Variants in STK24 observed in about 807,000 individuals in gnomAD.
STK24 encodes serine/threonine kinase 24.
In STK24, 21 loss-of-function variants were observed where a neutral mutation model predicts 55.6. The ratio of observed to expected loss-of-function variants is 0.38; its 90% CI spans 0.27 to 0.54. The LOEUF (loss-of-function observed/expected upper bound fraction) is 0.54, where lower values mean the gene tolerates loss of function less well. Among genes scored for constraint, STK24 ranks in the 20% least tolerant of loss-of-function variants. The pLI is 0.79. For synonymous variants in STK24, 200 were observed against 215.2 expected, an observed-to-expected ratio of 0.93 and a Z score of 0.62; for missense variants, 383 against 538.4, an observed-to-expected ratio of 0.71 and a Z score of 2.86.
chr13:98,503,024 GTTTTTT>G (rs398038978), intron 2 of STK24, among the ~76,000 whole-genome samples: 3 of 107,084 alleles, frequency 2.8e-5, no homozygotes, highest in African/African-American at 4.0e-5. Flanking sequence ...CTTTCCATGT[GTTTTTT>G]TTTTTTTTTT....
intron 3 of STK24, among the ~76,000 whole-genome samples, chr13:98,475,912 C>G (rs1235961860): frequency 1.3e-5 from 2 of 152,214 alleles, no homozygotes; most frequent in Non-Finnish European, 1.5e-5. Flanking sequence ...CCAGGCGCCT[C>G]TGAGGATATC....
chr13:98,552,330 A>C (rs1381472981), intron 1 of STK24, among the ~76,000 whole-genome samples: 1 of 152,138 alleles, frequency 6.6e-6, no homozygotes, highest in African/African-American at 2.4e-5. Flanking sequence ...CTGGGTACCA[A>C]ATTGATCAGA....
intron 3 of STK24, among the ~76,000 whole-genome samples, chr13:98,476,517 T>C (rs1266965770): frequency 2.0e-5 from 3 of 152,192 alleles, no homozygotes; most frequent in African/African-American, 7.2e-5. Flanking sequence ...AGATAAGAAA[T>C]GTGCTTTAAG....
At chr13:98,462,068 C>CA (rs1893730928) in intron 7 of STK24, among the ~76,000 whole-genome samples, 171 bp from the exon 8 acceptor site, 2 of 152,128 alleles carry the variant, frequency 1.3e-5, no homozygotes, top group African/African-American at 4.8e-5. Context: ...AAGACCCCCC[C>CA]GCCTCCTCCC....
At chr13:98,454,057 T>A (rs188387308) in intron 10 of STK24, 3 of 152,298 alleles carry the variant, frequency 2.0e-5, no homozygotes, top group African/African-American at 7.2e-5. Flanking sequence ...CCTGTATATG[T>A]GCACTATATA....
chr13:98,492,083 G>C (rs1159570987), intron 2 of STK24, among the ~76,000 whole-genome samples: 2 of 41,114 alleles, frequency 4.9e-5, no homozygotes, highest in Non-Finnish European at 1.7e-4. Flanking sequence ...GCGCGTGTGT[G>C]TGTGTGTGTG....
At position 98,446,908 on chromosome 13, in the gene STK24, GC is replaced by G; in HGVS notation, c.*6264del. 1 of 1,376,610 alleles carries G rather than the reference GC, an allele frequency of 7.3e-7. No homozygotes were observed. The highest frequency in any genetic ancestry group is 1.0e-6 in the Non-Finnish European group (1 of 983,916). The allele number at this position is 1,376,610 out of a possible 1,614,324, so 85.3% of individuals were successfully genotyped here. ...TTCTCCCAAGTCAGCGAGTGAGATG[GC>G]CCCACCCTTCCCTGCCAACTAAGCG... On this transcript the variant is annotated 3_prime_UTR_variant, in exon 11 of 11. Coordinates refer to ENST00000539966, the MANE Select transcript of STK24 (RefSeq NM_001032296.4).
At chr13:98,503,553 C>T (rs976195010) in intron 2 of STK24, among the ~76,000 whole-genome samples, 11 of 152,190 alleles carry the variant, frequency 7.2e-5, no homozygotes, top group Non-Finnish European at 1.6e-4. Context: ...GCAAGGACTG[C>T]GGACAGCTTC....
At chr13:98,535,890 A>C (rs1460895141) in intron 1 of STK24, among the ~76,000 whole-genome samples, 3 of 152,192 alleles carry the variant, frequency 2.0e-5, no homozygotes, top group Non-Finnish European at 4.4e-5. Flanking sequence ...ACCACTTCCC[A>C]TTCCCTACAG....
At chr13:98,469,565 G>A (rs1894065160) in intron 5 of STK24, among the ~76,000 whole-genome samples, 1 of 151,948 alleles carries the variant, frequency 6.6e-6, no homozygotes, top group Non-Finnish European at 1.5e-5. Flanking sequence ...GGCGGCGGGG[G>A]GAGGACATCC....
intron 9 of STK24, among the ~76,000 whole-genome samples, chr13:98,458,773 G>C (rs1431722935): frequency 6.6e-6 from 1 of 152,200 alleles, no homozygotes; most frequent in Non-Finnish European, 1.5e-5. Context: ...ACTTCAGGGA[G>C]CAACCTGACC....
intron 2 of STK24, among the ~76,000 whole-genome samples, chr13:98,490,115 G>A (rs1164198010): frequency 1.3e-5 from 2 of 152,202 alleles, no homozygotes; most frequent in Admixed American, 1.3e-4. Flanking sequence ...CAGCAGGTAG[G>A]TAGGGGAGGG....
intron 9 of STK24, among the ~76,000 whole-genome samples, chr13:98,457,593 C>T (rs974199107): frequency 3.3e-5 from 5 of 151,908 alleles, no homozygotes; most frequent in African/African-American, 1.2e-4. Flanking sequence ...CCTCAGCCTC[C>T]CGAGTAGCTG....
chr13:98,492,024 G>A lies in STK24; in HGVS notation c.274-9703C>T, dbSNP rs542336399. 1.3e-3 allele frequency among the ~76,000 whole-genome samples: 199 copies of A among 152,136 alleles called. 1 individual carries two copies. The highest frequency in any genetic ancestry group is 4.7e-3 in the African/African-American group (193 of 41,496). ...CAAGAAAGAATAAAAACTATAGGCA[G>A]AAAAGGGTGGGTGAAGAAATAGATC... On this transcript the variant is annotated intron_variant, in intron 2 of 10. Coordinates refer to ENST00000539966, the MANE Select transcript of STK24 (RefSeq NM_001032296.4).
In STK24 at chr13:98,511,918, T is replaced by G. The variant is rs1895892519; in HGVS notation, c.273+7325A>C. Reference sequence around the variant, plus strand: ...TTACAGTAATTTTTTTTTTTTTTTTTGAGACAGAGTCTCGCTGTGTCACCC... The same window carrying G: ...TTACAGTAATTTTTTTTTTTTTTTTGGAGACAGAGTCTCGCTGTGTCACCC... On this transcript the variant is annotated intron_variant, in intron 2 of 10. Coordinates refer to ENST00000539966, the MANE Select transcript of STK24 (RefSeq NM_001032296.4). 2.6e-5 allele frequency among the ~76,000 whole-genome samples: 4 copies of G among 151,072 alleles called. No homozygotes were observed. The South Asian group carries it at 8.4e-4, about 32-fold the overall frequency.
intron 2 of STK24, among the ~76,000 whole-genome samples, chr13:98,510,261 C>A (rs895096490): frequency 1.7e-4 from 26 of 152,144 alleles, no homozygotes; most frequent in African/African-American, 6.3e-4. Context: ...TATGCGTGAG[C>A]CCATCCACCA....
At position 98,446,081 on chromosome 13, in the gene STK24, G is replaced by C. The variant is rs574768202; in HGVS notation, c.*7092C>G. The C allele has an allele frequency of 3.2e-5, 50 of 1,575,450 alleles. No homozygotes were observed. Among genetic ancestry groups the C allele is most frequent in the Non-Finnish European group, 4.4e-5 (50 of 1,144,950 alleles). On this transcript the variant is annotated 3_prime_UTR_variant, in exon 11 of 11. Transcript: ENST00000539966. ...CAGGTGCCCGCTGTGCTTCTCACAG[G>C]CCTCCTTGCCTTTCAGAATCAGTTG...
At chr13:98,535,946 ATGAG>A (rs2139410711) in intron 1 of STK24, among the ~76,000 whole-genome samples, 1 of 152,370 alleles carries the variant, frequency 6.6e-6, no homozygotes, top group South Asian at 2.1e-4. Flanking sequence ...GGAAGCAATG[ATGAG>A]TATCAGGAAA....
At chr13:98,470,894 T>G (rs962466186) in intron 5 of STK24, among the ~76,000 whole-genome samples, 19 of 152,210 alleles carry the variant, frequency 1.2e-4, no homozygotes, top group Non-Finnish European at 2.2e-4. Flanking sequence ...ACAGCTGTAA[T>G]CAATCAAAAC....
Sources: gnomAD v4.1 joint callset for allele counts (sites outside exome capture counted in the v4.1 genomes callset) on GRCh38, gnomAD v4.1.1 for gene constraint, MANE v1.5 for transcripts, NCBI Gene and HGNC (gene_info 2026-07-23, HGNC 2026-07-21) for gene names.